The following GADL1 variants were observed in gnomAD, a reference collection of about 807,000 sequenced individuals.
The protein encoded by GADL1 is acidic amino acid decarboxylase GADL1.
GADL1 carries 71 observed loss-of-function variants against 69.5 expected under a neutral mutation model. The observed-to-expected ratio is 1.02, with a 90% CI of 0.84 to 1.25. GADL1 has a LOEUF of 1.25. Among genes scored for constraint, GADL1 ranks in the 50% most tolerant of loss-of-function variants. The pLI, the probability that GADL1 is intolerant of heterozygous loss-of-function variation, is 0.00. For missense variants in GADL1, 737 were observed against 631.8 expected, an observed-to-expected ratio of 1.17 and a Z score of -1.79; for synonymous variants, 254 against 214.4, an observed-to-expected ratio of 1.18 and a Z score of -1.62.
At chr3:30,734,538 C>T (rs1695512646) in intron 14 of GADL1, among the ~76,000 whole-genome samples, 1 of 152,146 alleles carries the variant, frequency 6.6e-6, no homozygotes, top group Non-Finnish European at 1.5e-5. Context: ...AAATGAACAG[C>T]TGTTGACAGA....
chr3:30,782,442 T>C (rs1165804166), intron 13 of GADL1, among the ~76,000 whole-genome samples: 7 of 152,090 alleles, frequency 4.6e-5, no homozygotes, highest in African/African-American at 1.7e-4. Context: ...ACATCAAGAT[T>C]TTTGGTTAGT....
Position 30,800,902 on chromosome 3 carries a change from G to A in GADL1, c.1237C>T (p.Leu413Phe), listed in dbSNP as rs1250246355. The change falls in exon 12 of 15, where the codon CTT (leucine) becomes TTT (phenylalanine). Residue 413 changes from leucine to phenylalanine, a missense_variant. Leu to Phe is a conservative substitution (Grantham distance 22). Transcript: ENST00000282538. ...AGAGGCTAGTACCTAGATAAAGCAA[G>A]AGCACGATTAACTCTTTCTTCAAGG... The part of the protein sequence containing the change: ...LGLEERVNRA[L>F]ALSRYLVDEI... The A allele has an allele frequency of 1.2e-6, 2 of 1,609,254 alleles. No homozygotes were observed. Among genetic ancestry groups the A allele is most frequent in the East Asian group, 4.5e-5 (2 of 44,754 alleles).
At chr3:30,814,150 A>G (rs1697415209) in intron 11 of GADL1, among the ~76,000 whole-genome samples, 1 of 152,206 alleles carries the variant, frequency 6.6e-6, no homozygotes, top group Non-Finnish European at 1.5e-5. Flanking sequence ...TCTTCATTAT[A>G]CAGATAAAAG....
At position 30,894,640 on chromosome 3, in the gene GADL1, C is replaced by T; in HGVS notation, c.-26G>A. ...CTCCGCTCCCCCACTCCAGGCTGCC[C>T]CGGGCGCGGCTCCCGCAGTCTGGGC... is the stretch of plus-strand genomic sequence containing the variant. On this transcript the variant is annotated 5_prime_UTR_variant, in exon 1 of 15. Transcript: ENST00000282538. The T allele has an allele frequency of 1.3e-6, 2 of 1,548,806 alleles. No homozygotes were observed. Among genetic ancestry groups the T allele is most frequent in the Admixed American group, 2.0e-5 (1 of 50,894 alleles).
At chr3:30,777,143 C>T (rs770755763) in intron 14 of GADL1, among the ~76,000 whole-genome samples, 8 of 152,102 alleles carry the variant, frequency 5.3e-5, no homozygotes, top group Non-Finnish European at 8.8e-5. Flanking sequence ...ATTTCCAGTG[C>T]ATAGTATAGT....
At chr3:30,840,396 A>G (rs1289770724) in intron 8 of GADL1, among the ~76,000 whole-genome samples, 1 of 152,162 alleles carries the variant, frequency 6.6e-6, no homozygotes, top group African/African-American at 2.4e-5. Context: ...GCTGTGGCAA[A>G]TAGAATCAAT....
chr3:30,765,295 A>C (rs540064639), intron 14 of GADL1, among the ~76,000 whole-genome samples: 40 of 108,944 alleles, frequency 3.7e-4, no homozygotes, highest in Non-Finnish European at 6.8e-4. Context: ...ATATGATCCT[A>C]GGTTTTTACT....
intron 1 of GADL1, among the ~76,000 whole-genome samples, chr3:30,871,595 A>G (rs1214272043): frequency 6.6e-6 from 1 of 151,848 alleles, no homozygotes; most frequent in African/African-American, 2.4e-5. Context: ...GTGCATCAGC[A>G]CCTTTCTTGA....
chr3:30,795,312 A>G (rs751382456), intron 12 of GADL1, among the ~76,000 whole-genome samples: 2 of 151,920 alleles, frequency 1.3e-5, no homozygotes, highest in Non-Finnish European at 2.9e-5. Flanking sequence ...ACATGGTTAG[A>G]AGACTGAAAG....
intron 1 of GADL1, among the ~76,000 whole-genome samples, chr3:30,883,351 T>C (rs750645440): frequency 2.6e-5 from 4 of 152,036 alleles, no homozygotes; most frequent in Non-Finnish European, 5.9e-5. Context: ...GATCCAATCT[T>C]ATTCTTTTGC....
chr3:30,827,344 C>T (rs1345110226), intron 11 of GADL1, among the ~76,000 whole-genome samples: 2 of 151,120 alleles, frequency 1.3e-5, no homozygotes, highest in African/African-American at 4.8e-5. Flanking sequence ...ACATTTATGA[C>T]TAGGTGGTAA....
intron 14 of GADL1, among the ~76,000 whole-genome samples, chr3:30,758,291 C>G (rs1401296634): frequency 6.6e-6 from 1 of 152,212 alleles, no homozygotes; most frequent in African/African-American, 2.4e-5. Context: ...GTGGAGCACT[C>G]CACTCTCTGA....
At chr3:30,758,761 A>G (rs751243046) in intron 14 of GADL1, among the ~76,000 whole-genome samples, 1 of 152,156 alleles carries the variant, frequency 6.6e-6, no homozygotes, top group Non-Finnish European at 1.5e-5. Context: ...GTATTTATTT[A>G]TTGCCTCATA....
chr3:30,861,247 G>T (rs1182507252), intron 2 of GADL1, among the ~76,000 whole-genome samples: 1 of 151,676 alleles, frequency 6.6e-6, no homozygotes, highest in Non-Finnish European at 1.5e-5. Flanking sequence ...GGAGCAAAGA[G>T]CATTAGAGAG....
intron 12 of GADL1, 83 bp downstream of exon 12, chr3:30,800,806 G>GACACACACAC (rs35529398): frequency 6.1e-5 from 44 of 727,156 alleles, no homozygotes; most frequent in African/African-American, 5.7e-4. Flanking sequence ...GACACAGATA[G>GACACACACAC]ACACACACAC....
chr3:30,751,087 C>G (rs552714116), intron 14 of GADL1, among the ~76,000 whole-genome samples: 2 of 152,174 alleles, frequency 1.3e-5, no homozygotes, highest in East Asian at 1.9e-4. Flanking sequence ...AGCAAAAGAA[C>G]AGCAGGTGCA....
At chr3:30,786,925 C>G (rs1256621934) in intron 12 of GADL1, among the ~76,000 whole-genome samples, 1 of 152,084 alleles carries the variant, frequency 6.6e-6, no homozygotes, top group Non-Finnish European at 1.5e-5. Context: ...GGCTGATTAT[C>G]CTCAGCAAAC....
chr3:30,808,948 AC>A (rs1249469035), intron 11 of GADL1, among the ~76,000 whole-genome samples: 3 of 152,112 alleles, frequency 2.0e-5, no homozygotes, highest in Non-Finnish European at 4.4e-5. Flanking sequence ...CTTCTGTGTA[AC>A]CTCTGTTTTC....
chr3:30,891,310 C>G (rs1398509972), intron 1 of GADL1, among the ~76,000 whole-genome samples: 1 of 152,136 alleles, frequency 6.6e-6, no homozygotes, highest in African/African-American at 2.4e-5. Flanking sequence ...AGTGAGCTGC[C>G]TCCTCAGGAC....
Sources: gnomAD v4.1 joint callset for allele counts (sites outside exome capture counted in the v4.1 genomes callset) on GRCh38, gnomAD v4.1.1 for gene constraint, MANE v1.5 for transcripts, NCBI Gene and HGNC (gene_info 2026-07-23, HGNC 2026-07-21) for gene names.